The following ECT2 variants were observed in gnomAD, a reference collection of about 807,000 sequenced individuals.
ECT2 encodes epithelial cell transforming 2, also known as protein ECT2.
ECT2 carries 61 observed loss-of-function variants against 116.9 expected under a neutral mutation model. The ratio of observed to expected loss-of-function variants is 0.52; its 90% CI spans 0.42 to 0.65. The LOEUF is 0.65. Among genes scored for constraint, ECT2 ranks in the 30% least tolerant of loss-of-function variants. The pLI is 0.00. For synonymous variants in ECT2, 358 were observed against 346.4 expected (o/e 1.03, Z -0.37); for missense variants, 937 against 1,078.7 (o/e 0.87, Z 1.84).
chr3:172,802,556 T>C, intron 18 of ECT2, 60 bp from the exon 19 acceptor site: 1 of 1,013,352 alleles, frequency 9.9e-7, no homozygotes, highest in Non-Finnish European at 1.5e-6. Flanking sequence ...GTGACATGAG[T>C]TGTGTTTGTT....
At chr3:172,824,638 A>G (rs73028397), downstream of ECT2, among the ~76,000 whole-genome samples, 3,414 of 152,260 alleles carry the variant, frequency 0.022, 139 homozygotes, top group African/African-American at 0.078. Flanking sequence ...AAATTGGCAT[A>G]TAATAATTAC....
chr3:172,825,268 C>T (rs894519154), downstream of ECT2, among the ~76,000 whole-genome samples: 4 of 152,050 alleles, frequency 2.6e-5, no homozygotes, highest in South Asian at 6.2e-4. Context: ...CACTGAACAG[C>T]TGTTCTCCAG....
chr3:172,754,315 T>A, intron 1 of ECT2, 194 bp from the exon 2 acceptor site: 1 of 420,782 alleles, frequency 2.4e-6, no homozygotes, highest in Non-Finnish European at 4.2e-6. Flanking sequence ...ATTATATTCC[T>A]GTGAGTCAGG....
chr3:172,759,193 A>G (rs1717714619), intron 6 of ECT2, 124 bp downstream of exon 6: 2 of 625,318 alleles, frequency 3.2e-6, no homozygotes, highest in African/African-American at 3.8e-5. Context: ...TATTATGGCT[A>G]TACCAGATTT....
downstream of ECT2, among the ~76,000 whole-genome samples, chr3:172,824,782 A>G (rs1730802458): frequency 6.6e-6 from 1 of 152,138 alleles, no homozygotes; most frequent in African/African-American, 2.4e-5. Context: ...TATTCACCCA[A>G]TCCCCTATTG....
intron 14 of ECT2, among the ~76,000 whole-genome samples, chr3:172,776,352 C>T (rs1721734647): frequency 6.6e-6 from 1 of 151,696 alleles, no homozygotes; most frequent in South Asian, 2.1e-4. Context: ...GAAACCAGTA[C>T]GTGCCGTGAA....
Position 172,764,502 on chromosome 3 carries a change from T to C in ECT2, c.1291+2T>C. On this transcript the variant is annotated splice_donor_variant, in intron 12 of 24. Transcript: ENST00000392692. LOFTEE classifies it high-confidence loss of function. Reference sequence around the variant, plus strand: ...CAGAGTCTAGCATTAACTATGGAGGTAATTCACATTCTTAAAAACTTGTCT... The same window carrying C: ...CAGAGTCTAGCATTAACTATGGAGGCAATTCACATTCTTAAAAACTTGTCT... The C allele has an allele frequency of 6.2e-7, 1 of 1,610,122 alleles. No individual in the cohort carries two copies. The highest frequency in any genetic ancestry group is 8.5e-7 in the Non-Finnish European group (1 of 1,176,804).
At chr3:172,827,421 A>ATAT in the ECT2 span, among the ~76,000 whole-genome samples, 1 of 152,254 alleles carries the variant, frequency 6.6e-6, no homozygotes, top group Non-Finnish European at 1.5e-5. Context: ...AACGTGGTAT[A>ATAT]TATACACAAT....
At chr3:172,768,609 G>A (rs1719994053) in intron 12 of ECT2, among the ~76,000 whole-genome samples, 1 of 152,122 alleles carries the variant, frequency 6.6e-6, no homozygotes, top group African/African-American at 2.4e-5. Flanking sequence ...GATTTCATCA[G>A]TTATCCTAAA....
intron 11 of ECT2, among the ~76,000 whole-genome samples, chr3:172,763,819 G>A (rs1216201810): frequency 6.6e-6 from 1 of 152,180 alleles, no homozygotes; most frequent in East Asian, 1.9e-4. Context: ...ACCATATTGT[G>A]TTCTCTTCAG....
chr3:172,753,549 G>A (rs777414241), intron 1 of ECT2, among the ~76,000 whole-genome samples: 15 of 152,320 alleles, frequency 9.8e-5, no homozygotes, highest in Admixed American at 3.3e-4. Flanking sequence ...TAGGGGAGAG[G>A]TGTTTTTAAA....
chr3:172,802,650 C>G lies in ECT2; in HGVS notation c.1942C>G (p.Gln648Glu), dbSNP rs765292479. Residue 648 changes from glutamine (Q) to glutamate (E), a missense_variant, in exon 19 of 25, where the codon CAA becomes GAA. Coordinates refer to ENST00000392692, the MANE Select transcript of ECT2 (RefSeq NM_001258315.2). ...INEDKRKTEA[Q>E]KQIFDVVYEV... ...TGAGGATAAGAGAAAAACAGAAGCT[C>G]AAAAGCAAATTTTTGATGTTGTTTA... is the stretch of plus-strand genomic sequence containing the variant. The G allele has an allele frequency of 6.2e-7, 1 of 1,602,942 alleles. No individual in the cohort carries two copies. Among genetic ancestry groups the G allele is most frequent in the Non-Finnish European group, 8.5e-7 (1 of 1,174,730 alleles).
At chr3:172,813,104 C>CTAGAATTAGTAA (rs1191065758) in intron 22 of ECT2, among the ~76,000 whole-genome samples, 1 of 151,920 alleles carries the variant, frequency 6.6e-6, no homozygotes, top group Admixed American at 6.6e-5. Flanking sequence ...CAAGAACCAA[C>CTAGAATTAGTAA]CAAAAACTAT....
intron 21 of ECT2, among the ~76,000 whole-genome samples, chr3:172,807,540 C>T (rs892203661): frequency 3.9e-5 from 6 of 152,098 alleles, no homozygotes; most frequent in Admixed American, 3.9e-4. Flanking sequence ...TACTTAATGT[C>T]ATTAACTTAT....
At chr3:172,802,333 C>T (rs1269663433) in intron 18 of ECT2, among the ~76,000 whole-genome samples, 3 of 152,162 alleles carry the variant, frequency 2.0e-5, no homozygotes, top group East Asian at 3.9e-4. Flanking sequence ...AGGCTGGTCT[C>T]GAACTCCTGA....
the ECT2 span, chr3:172,828,839 G>T: frequency 1.1e-6 from 1 of 914,234 alleles, no homozygotes. Context: ...CTGCCTGAGA[G>T]ATGAGTGCCT....
At chr3:172,795,913 A>C (rs923378454) in intron 18 of ECT2, among the ~76,000 whole-genome samples, 2 of 152,184 alleles carry the variant, frequency 1.3e-5, no homozygotes, top group African/African-American at 4.8e-5. Context: ...AATACACATA[A>C]AATTATAAGA....
At chr3:172,777,331 G>A (rs577242808) in intron 14 of ECT2, among the ~76,000 whole-genome samples, 4 of 152,242 alleles carry the variant, frequency 2.6e-5, no homozygotes, top group Admixed American at 2.6e-4. Flanking sequence ...TACACCCACT[G>A]TCTAGCATTT....
downstream of ECT2, among the ~76,000 whole-genome samples, chr3:172,823,377 A>G (rs1391066968): frequency 6.6e-6 from 1 of 152,202 alleles, no homozygotes; most frequent in African/African-American, 2.4e-5. Context: ...ATGTAAGACT[A>G]TCAACCTTAA....
Sources: gnomAD v4.1 joint callset for allele counts (sites outside exome capture counted in the v4.1 genomes callset) on GRCh38, gnomAD v4.1.1 for gene constraint, MANE v1.5 for transcripts, NCBI Gene and HGNC (gene_info 2026-07-23, HGNC 2026-07-21) for gene names.